Variants in RALGPS2 observed in about 807,000 individuals in gnomAD.
The protein encoded by RALGPS2 is Ral GEF with PH domain and SH3 binding motif 2.
In RALGPS2, 43 loss-of-function variants were observed where a neutral mutation model predicts 86.8. The observed-to-expected ratio is 0.50, with a 90% CI of 0.39 to 0.64. The LOEUF is 0.64. Among genes scored for constraint, RALGPS2 ranks in the 30% least tolerant of loss-of-function variants. The pLI is 0.00. For missense variants in RALGPS2, 536 were observed against 694.6 expected, an observed-to-expected ratio of 0.77 and a Z score of 2.57; for synonymous variants, 243 against 231.3, an observed-to-expected ratio of 1.05 and a Z score of -0.46.
intron 8 of RALGPS2, chr1:178,865,705 T>A: frequency 6.2e-7 from 1 of 1,613,894 alleles, no homozygotes; most frequent in Non-Finnish European, 8.5e-7. Context: ...TTTTGAATTG[T>A]CCACCTCTGC....
chr1:178,826,889 C>T (rs529257177), intron 7 of RALGPS2, among the ~76,000 whole-genome samples: 1 of 152,200 alleles, frequency 6.6e-6, no homozygotes, highest in African/African-American at 2.4e-5. Flanking sequence ...TACAGGAAGT[C>T]ATTAACAAAG....
At chr1:178,906,639 A>G in intron 18 of RALGPS2, 137 bp from the exon 19 acceptor site, 1 of 633,512 alleles carries the variant, frequency 1.6e-6, no homozygotes, top group East Asian at 3.0e-5. Context: ...TAGGAAATAC[A>G]ATAAAATGGA....
Position 178,776,756 on chromosome 1 carries a change from G to T in RALGPS2, c.-9G>T, listed in dbSNP as rs368627238. 1 of 1,610,318 alleles carries T rather than the reference G, an allele frequency of 6.2e-7. No individual in the cohort carries two copies. Among genetic ancestry groups the T allele is most frequent in the Non-Finnish European group, 8.5e-7 (1 of 1,177,576 alleles). On this transcript the variant is annotated 5_prime_UTR_variant, in exon 2 of 20. It removes an upstream start codon present in the reference 5' UTR. Transcript: ENST00000367635. ...TGTTAACATAAGGTCAGGGACTGAT[G>T]AGGAAAGCATGGACCTAATGAACGG...
At chr1:178,872,760 G>T (rs967018659) in intron 8 of RALGPS2, among the ~76,000 whole-genome samples, 3 of 152,098 alleles carry the variant, frequency 2.0e-5, no homozygotes, top group Non-Finnish European at 4.4e-5. Flanking sequence ...TTTCTAACTT[G>T]AGCACTTAGT....
At chr1:178,877,288 C>CA (rs1659044716) in intron 8 of RALGPS2, among the ~76,000 whole-genome samples, 2 of 152,114 alleles carry the variant, frequency 1.3e-5, no homozygotes, top group Middle Eastern at 3.4e-3. Flanking sequence ...CATATTATTA[C>CA]AAAAAATTGG....
chr1:178,770,447 C>T lies in RALGPS2; in HGVS notation c.-83-6235C>T, dbSNP rs374799817. Among the ~76,000 whole-genome samples the T allele has an allele frequency of 3.3e-5, 5 of 151,820 alleles. No individual in the cohort carries two copies. In the East Asian group the frequency reaches 9.7e-4, roughly 29 times the overall value. On this transcript the variant is annotated intron_variant, in intron 1 of 19. Coordinates refer to ENST00000367635, the MANE Select transcript of RALGPS2 (RefSeq NM_152663.5). ...ATCTTTATCATTCACTTTATTTTCT[C>T]TGTCACACGTATACATACTGTTTTC... is the stretch of plus-strand genomic sequence containing the variant.
chr1:178,797,985 T>TAAAAA (rs57049056), intron 4 of RALGPS2, among the ~76,000 whole-genome samples: 151 of 95,392 alleles, frequency 1.6e-3, no homozygotes, highest in South Asian at 0.012. Context: ...CAACAATTTG[T>TAAAAA]AAAAAAAAAA....
chr1:178,849,636 A>G (rs1418973432), intron 8 of RALGPS2: 2 of 152,206 alleles, frequency 1.3e-5, no homozygotes, highest in Non-Finnish European at 2.9e-5. Flanking sequence ...TTTGGTTCTG[A>G]AGGAAGTGGA....
intron 8 of RALGPS2, among the ~76,000 whole-genome samples, chr1:178,855,850 G>T (rs1016975599): frequency 2.7e-5 from 4 of 150,850 alleles, no homozygotes; most frequent in Admixed American, 2.6e-4. Context: ...CACATCACAG[G>T]AATCAAAGGC....
intron 4 of RALGPS2, among the ~76,000 whole-genome samples, chr1:178,805,151 T>G (rs1424691510): frequency 1.3e-5 from 2 of 150,936 alleles, no homozygotes; most frequent in Admixed American, 6.6e-5. Context: ...TAAATTTGTT[T>G]GAGTTCATTG....
chr1:178,824,234 G>A (rs1197711423), intron 7 of RALGPS2, among the ~76,000 whole-genome samples: 1 of 152,082 alleles, frequency 6.6e-6, no homozygotes, highest in Non-Finnish European at 1.5e-5. Flanking sequence ...ATGAAGAAGT[G>A]GGACAGCAAG....
chr1:178,731,272 G>GTTTTTTTTTTTTTTTTTTTTTTTTTT (rs57628726), intron 1 of RALGPS2, among the ~76,000 whole-genome samples: 1 of 57,946 alleles, frequency 1.7e-5, no homozygotes, highest in Non-Finnish European at 3.0e-5. Flanking sequence ...AGTTGTTTTG[G>GTTTTTTTTTTTTTTTTTTTTTTTTTT]TTTTTTTTTT....
intron 1 of RALGPS2, among the ~76,000 whole-genome samples, chr1:178,730,591 A>G (rs1650281157): frequency 6.6e-6 from 1 of 151,310 alleles, no homozygotes; most frequent in Non-Finnish European, 1.5e-5. Context: ...AAAAATGAAA[A>G]TTCTTCTTGA....
Position 178,830,020 on chromosome 1 carries a change from C to T in RALGPS2, c.481-3404C>T, listed in dbSNP as rs555217801. Among the ~76,000 whole-genome samples the T allele has an allele frequency of 2.2e-3, 337 of 152,264 alleles. 3 individuals are homozygous for T. Among genetic ancestry groups the T allele is most frequent in the Non-Finnish European group, 9.0e-4 (61 of 68,020 alleles). On this transcript the variant is annotated intron_variant, in intron 7 of 19. Coordinates refer to ENST00000367635, the MANE Select transcript of RALGPS2 (RefSeq NM_152663.5). ...TTGGCCTCCCAAAGTGCTAGGATTA[C>T]AAGCTTGAGCCACCGTGTCCAGCCT...
Position 178,916,519 on chromosome 1 carries a change from G to T in RALGPS2, c.*160G>T, listed in dbSNP as rs1043073420. On this transcript the variant is annotated 3_prime_UTR_variant, in exon 20 of 20. Transcript: ENST00000367635. ...CAAAAAAGCACTAATTTCAGGGAAT[G>T]ATTTGAGATATTCCCAGAGAACAAA... 2 of 620,146 alleles carry T rather than the reference G, an allele frequency of 3.2e-6. No homozygotes were observed. The highest frequency in any genetic ancestry group is 3.4e-5 in the Admixed American group (1 of 29,626). 38.4% of individuals were successfully genotyped at this position (620,146 alleles called of 1,614,324 possible).
intron 19 of RALGPS2, among the ~76,000 whole-genome samples, chr1:178,913,865 G>A (rs1352325520): frequency 6.6e-6 from 1 of 152,146 alleles, no homozygotes; most frequent in Non-Finnish European, 1.5e-5. Flanking sequence ...GGTGGACCAA[G>A]GTGCTCCCAG....
At position 178,919,098 on chromosome 1, in the gene RALGPS2, T is replaced by C. The variant is rs1054145135; in HGVS notation, c.*2739T>C. The stretch of plus-strand genomic sequence containing the variant: ...ACAGAATGACCTTCCAGAGCACTGT[T>C]TTTGGCCTCGTGCCCGCTCTGTTCA... On this transcript the variant is annotated 3_prime_UTR_variant, in exon 20 of 20. Coordinates refer to ENST00000367635, the MANE Select transcript of RALGPS2 (RefSeq NM_152663.5). The C allele has an allele frequency of 6.6e-6, 1 of 152,080 alleles. No individual in the cohort carries two copies. The highest frequency in any genetic ancestry group is 2.4e-5 in the African/African-American group (1 of 41,454). The allele number at this position is 152,080 out of a possible 1,614,324, so 9.4% of individuals were successfully genotyped here.
At chr1:178,770,039 C>CA (rs1652714862) in intron 1 of RALGPS2, among the ~76,000 whole-genome samples, 1 of 131,592 alleles carries the variant, frequency 7.6e-6, no homozygotes, top group Non-Finnish European at 1.6e-5. Context: ...TTTTTTGAGA[C>CA]AAGGTCTCAC....
chr1:178,728,393 G>T, intron 1 of RALGPS2, among the ~76,000 whole-genome samples: 1 of 117,138 alleles, frequency 8.5e-6, no homozygotes, highest in Non-Finnish European at 1.7e-5. Flanking sequence ...CATTTTCTCC[G>T]AAAGTATGCT....
Sources: allele counts gnomAD v4.1 joint callset (sites outside exome capture counted in the v4.1 genomes callset), GRCh38; gene constraint gnomAD v4.1.1; transcripts MANE v1.5; gene names NCBI Gene and HGNC (gene_info 2026-07-23, HGNC 2026-07-21).